Variants in VPS4B observed in about 807,000 individuals in gnomAD.
VPS4B encodes the protein vacuolar protein sorting-associated protein 4B.
VPS4B carries 23 observed loss-of-function variants against 56.1 expected under a neutral mutation model. The ratio of observed to expected loss-of-function variants is 0.41; its 90% CI spans 0.30 to 0.58. The LOEUF (loss-of-function observed/expected upper bound fraction) is 0.58. Ranked by LOEUF, VPS4B falls within the 20% of genes least tolerant of loss-of-function variation. VPS4B has a pLI of 0.29. For missense variants in VPS4B, 372 were observed against 531.9 expected, an observed-to-expected ratio of 0.70 and a Z score of 2.96; for synonymous variants, 177 against 186.0, an observed-to-expected ratio of 0.95 and a Z score of 0.39.
rs2042276884 is a variant in VPS4B at position 63,422,366 on chromosome 18, G to A, written c.-107C>T. The A allele has an allele frequency of 1.7e-6, 2 of 1,154,386 alleles. No individual in the cohort carries two copies. Among genetic ancestry groups the A allele is most frequent in the Non-Finnish European group, 2.3e-6 (2 of 868,344 alleles). 71.5% of individuals were successfully genotyped at this position (1,154,386 alleles called of 1,614,324 possible). On this transcript the variant is annotated 5_prime_UTR_variant, in exon 1 of 11. Transcript: ENST00000238497. ...CAGCCCTCAAACTGGGGAGGCCGGTGGTTCTCGGACCGCGAAGGGCAGCCT... is the reference window on the plus strand; with the variant it reads ...CAGCCCTCAAACTGGGGAGGCCGGTAGTTCTCGGACCGCGAAGGGCAGCCT...
intron 10 of VPS4B, among the ~76,000 whole-genome samples, chr18:63,392,829 CA>C (rs1243480394): frequency 1.3e-5 from 2 of 151,798 alleles, no homozygotes; most frequent in Non-Finnish European, 2.9e-5. Flanking sequence ...CGGCTCACTG[CA>C]ACCTCTGCCT....
intron 7 of VPS4B, among the ~76,000 whole-genome samples, chr18:63,399,775 G>A (rs1416501958): frequency 6.7e-6 from 1 of 149,942 alleles, no homozygotes; most frequent in African/African-American, 2.4e-5. Flanking sequence ...GAAACAGTTT[G>A]TTAGAATGGA....
intron 1 of VPS4B, among the ~76,000 whole-genome samples, chr18:63,418,538 T>C (rs1916222234): frequency 6.6e-6 from 1 of 151,870 alleles, no homozygotes; most frequent in Non-Finnish European, 1.5e-5. Flanking sequence ...GCCTCTGGAG[T>C]AGCTGGGACT....
At chr18:63,399,045 G>A (rs1915751483) in intron 8 of VPS4B, among the ~76,000 whole-genome samples, 197 bp downstream of exon 8, 1 of 152,128 alleles carries the variant, frequency 6.6e-6, no homozygotes, top group South Asian at 2.1e-4. Flanking sequence ...TGGAAATCTT[G>A]TATATTTGAT....
intron 8 of VPS4B, among the ~76,000 whole-genome samples, chr18:63,397,697 A>G (rs1003500592): frequency 6.6e-6 from 1 of 152,352 alleles, no homozygotes; most frequent in South Asian, 2.1e-4. Context: ...TTTAATGAAT[A>G]CATCCAGAAC....
chr18:63,415,474 G>A (rs920698791), intron 1 of VPS4B: 3 of 304,812 alleles, frequency 9.8e-6, no homozygotes. Flanking sequence ...AGCCCCTGAT[G>A]CTCCTGGCAT....
chr18:63,404,075 GA>G (rs1270267343), intron 4 of VPS4B, among the ~76,000 whole-genome samples: 2 of 152,144 alleles, frequency 1.3e-5, no homozygotes, highest in African/African-American at 4.8e-5. Flanking sequence ...CCTCACTTGT[GA>G]AATGAAAATA....
intron 9 of VPS4B, among the ~76,000 whole-genome samples, chr18:63,394,723 C>A (rs755169364): frequency 1.3e-5 from 2 of 152,204 alleles, no homozygotes; most frequent in Non-Finnish European, 2.9e-5. Context: ...CCTTGGCCTC[C>A]CAAAGTGCTG....
intron 5 of VPS4B, among the ~76,000 whole-genome samples, chr18:63,402,214 GTACTTTTAGGTGGTATA>G (rs1180833395): frequency 2.0e-5 from 3 of 152,176 alleles, no homozygotes; most frequent in Non-Finnish European, 4.4e-5. Flanking sequence ...ATAACATGAA[GTACTTTTAGGTGGTATA>G]TACTTTAAAT....
In VPS4B at chr18:63,410,397, T is replaced by G. The variant is rs946042521; in HGVS notation, c.189A>C (p.Thr63=). 6.2e-7 allele frequency: 1 copy of G among 1,613,894 alleles called. No individual in the cohort carries two copies. Among genetic ancestry groups the G allele is most frequent in the Admixed American group, 1.7e-5 (1 of 60,028 alleles). ...GTTTTTCTGCTCTATCAAGATATTC[T>G]GTACACTTTGCCCTGATACTTTGCT... The part of the protein sequence containing the change: ...KAKQSIRAKC[T]EYLDRAEKLK... The change falls in exon 3 of 11, where the codon ACA becomes ACC. Residue 63 remains threonine (T), a synonymous_variant. Transcript: ENST00000238497.
At chr18:63,410,852 G>C (rs1034241710) in intron 2 of VPS4B, among the ~76,000 whole-genome samples, 1 of 152,150 alleles carries the variant, frequency 6.6e-6, no homozygotes, top group African/African-American at 2.4e-5. Flanking sequence ...GTCTACAAAA[G>C]CTTTATTTCA....
intron 1 of VPS4B, among the ~76,000 whole-genome samples, chr18:63,417,223 CTTAT>C (rs2144440102): frequency 6.6e-6 from 1 of 152,254 alleles, no homozygotes; most frequent in African/African-American, 2.4e-5. Context: ...TTTAAAAAGT[CTTAT>C]TTGACAAAAC....
Position 63,393,478 on chromosome 18 carries a change from G to A in VPS4B, c.1164C>T (p.Asp388=), listed in dbSNP as rs902411421. The change falls in exon 10 of 11, where the codon GAC becomes GAT. Residue 388 remains aspartate (D), a synonymous_variant. Coordinates refer to ENST00000238497, the MANE Select transcript of VPS4B (RefSeq NM_004869.4). ...DDLLTPCSPG[D]PGAIEMTWMD... ...TCCATGTCATTTCAATGGCACCAGG[G>A]TCACCTGGAGAGCAAGGTGTTAGCA... is the stretch of plus-strand genomic sequence containing the variant. 6.2e-7 allele frequency: 1 copy of A among 1,612,604 alleles called. No individual in the cohort carries two copies. Among genetic ancestry groups the A allele is most frequent in the African/African-American group, 1.3e-5 (1 of 74,852 alleles).
intron 10 of VPS4B, 95 bp from the exon 11 acceptor site, chr18:63,391,171 T>C (rs1915540247): frequency 8.0e-6 from 6 of 748,564 alleles, no homozygotes; most frequent in Non-Finnish European, 1.3e-5. Flanking sequence ...AACTTTAACC[T>C]AAGTTTAAAT....
At chr18:63,411,431 T>C (rs2144432356) in intron 2 of VPS4B, 36 bp downstream of exon 2, 2 of 1,414,896 alleles carry the variant, frequency 1.4e-6, no homozygotes, top group African/African-American at 1.4e-5. Flanking sequence ...ATTTTCCTTT[T>C]CGTGTTTTTA....
rs1422739548 is a variant in VPS4B, at chr18:63,389,419, C to A, written c.*1556G>T. 2 of 152,564 alleles carry A rather than the reference C, an allele frequency of 1.3e-5. No homozygotes were observed. The highest frequency in any genetic ancestry group is 2.9e-5 in the Non-Finnish European group (2 of 68,018). 9.5% of individuals were successfully genotyped at this position (152,564 alleles called of 1,614,324 possible). ...AACCACATAGCATATGTAAAATGTG[C>A]AAATACACTTTAAAATGCAAGTTAT... On this transcript the variant is annotated 3_prime_UTR_variant, in exon 11 of 11. Coordinates refer to ENST00000238497, the MANE Select transcript of VPS4B (RefSeq NM_004869.4).
rs772659865 is a variant in VPS4B, at chr18:63,400,593, T to C, written c.595A>G (p.Ile199Val). ...TEANNSTFFSISSSDLVSKWL... is the reference protein window; with the variant it reads ...TEANNSTFFSVSSSDLVSKWL... ...TTAGAAACAAGATCAGAGGAAGATA[T>C]TGAAAAAAATGTTGAGTTGTTGGCT... Residue 199 changes from isoleucine to valine, a missense_variant, in exon 6 of 11, where the codon ATA becomes GTA. Transcript: ENST00000238497. 75 of 1,610,360 alleles carry C rather than the reference T, an allele frequency of 4.7e-5. No homozygotes were observed. Among genetic ancestry groups the C allele is most frequent in the South Asian group, 6.7e-5 (6 of 89,998 alleles).
At chr18:63,395,594 A>T (rs1166158617) in intron 9 of VPS4B, among the ~76,000 whole-genome samples, 4 of 152,218 alleles carry the variant, frequency 2.6e-5, no homozygotes, top group Admixed American at 1.3e-4. Flanking sequence ...GTACATGATA[A>T]ATATACGTAT....
intron 1 of VPS4B, among the ~76,000 whole-genome samples, chr18:63,420,944 A>G (rs1279166262): frequency 6.6e-6 from 1 of 151,720 alleles, no homozygotes; most frequent in African/African-American, 2.4e-5. Context: ...AGGCTGAGGC[A>G]AGAGAATCGC....
Sources: gnomAD v4.1 joint callset for allele counts (sites outside exome capture counted in the v4.1 genomes callset) on GRCh38, gnomAD v4.1.1 for gene constraint, MANE v1.5 for transcripts, NCBI Gene and HGNC (gene_info 2026-07-23, HGNC 2026-07-21) for gene names.